Variants in ADCY2 observed in about 807,000 individuals in gnomAD.
ADCY2 encodes the protein adenylate cyclase type 2.
Under a neutral mutation model 125.2 loss-of-function variants are expected in ADCY2, and 31 were observed. The ratio of observed to expected loss-of-function variants is 0.25; its 90% CI spans 0.19 to 0.33. ADCY2 has a LOEUF of 0.33. ADCY2 is among the 10% of genes least tolerant of loss of function. The pLI is 1.00. For missense variants in ADCY2, 904 were observed against 1,418.2 expected (o/e 0.64, Z 5.82); for synonymous variants, 512 against 548.4 (o/e 0.93, Z 0.93).
intron 18 of ADCY2, among the ~76,000 whole-genome samples, chr5:7,779,362 C>G (rs1380209374): frequency 6.6e-6 from 1 of 152,196 alleles, no homozygotes; most frequent in Non-Finnish European, 1.5e-5. Flanking sequence ...TTCACAGGGT[C>G]TGTGGCATAG....
intron 4 of ADCY2, among the ~76,000 whole-genome samples, chr5:7,636,877 A>G (rs1738524791): frequency 6.6e-6 from 1 of 152,154 alleles, no homozygotes; most frequent in African/African-American, 2.4e-5. Context: ...AGGTTAGGTG[A>G]AGAGGAGACA....
At chr5:7,821,291 A>G (rs887335911) in intron 24 of ADCY2, among the ~76,000 whole-genome samples, 1 of 152,262 alleles carries the variant, frequency 6.6e-6, no homozygotes, top group Non-Finnish European at 1.5e-5. Context: ...TAAAGTAACT[A>G]TATTACAATA....
chr5:7,512,045 AC>A (rs1744080890), intron 2 of ADCY2, among the ~76,000 whole-genome samples: 1 of 151,532 alleles, frequency 6.6e-6, no homozygotes, highest in Non-Finnish European at 1.5e-5. Context: ...ACATGGTGAA[AC>A]CCCATCTCTA....
intron 2 of ADCY2, among the ~76,000 whole-genome samples, chr5:7,499,390 G>A (rs571877091): frequency 4.6e-5 from 7 of 151,936 alleles, no homozygotes; most frequent in African/African-American, 1.7e-4. Flanking sequence ...TTGTTTCTAG[G>A]TCTTGACTAT....
intron 2 of ADCY2, among the ~76,000 whole-genome samples, chr5:7,429,541 G>C (rs943923064): frequency 3.9e-5 from 6 of 152,130 alleles, no homozygotes; most frequent in South Asian, 4.1e-4. Flanking sequence ...AGTTTAAAAG[G>C]GTTGTTATGA....
chr5:7,731,107 A>G (rs2126408578), intron 14 of ADCY2, among the ~76,000 whole-genome samples: 1 of 152,216 alleles, frequency 6.6e-6, no homozygotes, highest in East Asian at 1.9e-4. Context: ...CTGCATTCTG[A>G]TAAATTCTTC....
At chr5:7,499,648 G>GATATATATATATATAT (rs70940741) in intron 2 of ADCY2, among the ~76,000 whole-genome samples, 79 of 118,358 alleles carry the variant, frequency 6.7e-4, no homozygotes, top group East Asian at 1.2e-3. Flanking sequence ...TATGTGGGTG[G>GATATATATATATATAT]ATATATATAT....
At chr5:7,463,900 GA>G (rs374309992) in intron 2 of ADCY2, among the ~76,000 whole-genome samples, 16 of 152,310 alleles carry the variant, frequency 1.1e-4, no homozygotes, top group African/African-American at 3.6e-4. Flanking sequence ...AGCAATGGGG[GA>G]TGACTTAGGG....
intron 13 of ADCY2, 74 bp downstream of exon 13, chr5:7,724,688 T>G: frequency 8.8e-7 from 1 of 1,138,696 alleles, no homozygotes; most frequent in Non-Finnish European, 1.3e-6. Context: ...ATTGTGCTCA[T>G]GTTTTTTATA....
intron 2 of ADCY2, among the ~76,000 whole-genome samples, chr5:7,478,892 C>G (rs1204356682): frequency 3.9e-5 from 6 of 152,112 alleles, no homozygotes; most frequent in Non-Finnish European, 8.8e-5. Flanking sequence ...AATGTGCATG[C>G]TTTTAAGTTT....
chr5:7,751,314 G>C (rs1742807848), intron 15 of ADCY2, among the ~76,000 whole-genome samples: 1 of 152,086 alleles, frequency 6.6e-6, no homozygotes, highest in Non-Finnish European at 1.5e-5. Context: ...ATCTCGTGGT[G>C]CTAATTCGAC....
At chr5:7,505,652 A>G (rs1026021459) in intron 2 of ADCY2, among the ~76,000 whole-genome samples, 5 of 152,174 alleles carry the variant, frequency 3.3e-5, no homozygotes, top group African/African-American at 9.7e-5. Context: ...GTCCTCTTTC[A>G]GTAAGGAGAA....
intron 3 of ADCY2, among the ~76,000 whole-genome samples, chr5:7,525,961 C>G (rs1422162846): frequency 1.3e-5 from 2 of 152,196 alleles, no homozygotes; most frequent in African/African-American, 4.8e-5. Flanking sequence ...ATGTTCCCCT[C>G]CCTTGCCCAG....
At chr5:7,682,868 A>T (rs1448683364) in intron 4 of ADCY2, among the ~76,000 whole-genome samples, 1 of 152,226 alleles carries the variant, frequency 6.6e-6, no homozygotes, top group African/African-American at 2.4e-5. Context: ...GTAGGATAAC[A>T]TCTGCCACGA....
intron 3 of ADCY2, among the ~76,000 whole-genome samples, chr5:7,593,892 G>A (rs1736925073): frequency 6.6e-6 from 1 of 152,138 alleles, no homozygotes; most frequent in Non-Finnish European, 1.5e-5. Context: ...GAGAGGAGAT[G>A]TAAAAGTGTC....
At chr5:7,405,357 G>A (rs1055486050) in intron 1 of ADCY2, among the ~76,000 whole-genome samples, 1 of 145,188 alleles carries the variant, frequency 6.9e-6, no homozygotes, top group African/African-American at 2.6e-5. Flanking sequence ...TGGTTCTTCT[G>A]ACCTAGGTTT....
At chr5:7,489,165 T>C (rs1743060921) in intron 2 of ADCY2, among the ~76,000 whole-genome samples, 1 of 152,156 alleles carries the variant, frequency 6.6e-6, no homozygotes, top group Non-Finnish European at 1.5e-5. Flanking sequence ...TACCCCCCTT[T>C]GCTGCAGACT....
chr5:7,423,655 A>T (rs1740288661), intron 2 of ADCY2, among the ~76,000 whole-genome samples: 1 of 152,162 alleles, frequency 6.6e-6, no homozygotes, highest in Non-Finnish European at 1.5e-5. Flanking sequence ...TAAATTACCC[A>T]GTCTCGGGTA....
chr5:7,488,583 C>T (rs1203490735), intron 2 of ADCY2, among the ~76,000 whole-genome samples: 1 of 152,136 alleles, frequency 6.6e-6, no homozygotes, highest in Non-Finnish European at 1.5e-5. Context: ...CCTCCTGTAT[C>T]AAGGCTGCAT....
Sources: allele counts gnomAD v4.1 joint callset (sites outside exome capture counted in the v4.1 genomes callset), GRCh38; gene constraint gnomAD v4.1.1; transcripts MANE v1.5; gene names NCBI Gene and HGNC (gene_info 2026-07-23, HGNC 2026-07-21).